The following KIFAP3 variants were observed in gnomAD, a reference collection of about 807,000 sequenced individuals.
KIFAP3 encodes the protein kinesin associated protein 3.
A neutral mutation model predicts 106.5 loss-of-function variants in KIFAP3; 68 were observed. The observed-to-expected ratio is 0.64, with a 90% CI of 0.53 to 0.78. KIFAP3 has a LOEUF of 0.78. Ranked by LOEUF, KIFAP3 falls within the 30% of genes least tolerant of loss-of-function variation. The probability of loss-of-function intolerance (pLI) is 0.00; values close to 1 mark genes in which losing one functional copy is unlikely to be tolerated. For synonymous variants in KIFAP3, 320 were observed against 311.5 expected (o/e 1.03, Z -0.29); for missense variants, 780 against 941.8 (o/e 0.83, Z 2.25).
intron 2 of KIFAP3, among the ~76,000 whole-genome samples, 167 bp downstream of exon 2, chr1:170,055,138 A>C (rs1459899030): frequency 6.6e-6 from 1 of 152,202 alleles, no homozygotes; most frequent in Non-Finnish European, 1.5e-5. Context: ...TCCTAGGATT[A>C]ATATACTCCA....
intron 10 of KIFAP3, among the ~76,000 whole-genome samples, chr1:170,012,686 A>ACGG (rs375771877): frequency 3.3e-5 from 5 of 152,066 alleles, no homozygotes; most frequent in African/African-American, 1.2e-4. Flanking sequence ...GCCATCATGT[A>ACGG]CGGGATTGGT....
rs145253298 is a variant in KIFAP3 at position 169,924,472 on chromosome 1, G to A, written c.2274-2691C>T. ...ATTATGTATCACAGATGAACTTGCT[G>A]TTTAAAGCAAAAAATATTTAAAACA... is the stretch of plus-strand genomic sequence containing the variant. On this transcript the variant is annotated intron_variant, in intron 19 of 19. Transcript: ENST00000361580. 7.2e-5 allele frequency among the ~76,000 whole-genome samples: 11 copies of A among 152,310 alleles called. No homozygotes were observed. In the East Asian group the frequency reaches 2.1e-3, roughly 29 times the overall value.
upstream of KIFAP3, among the ~76,000 whole-genome samples, chr1:170,075,120 A>AAAACAAAC (rs374280684): frequency 1.3e-5 from 2 of 152,124 alleles, no homozygotes; most frequent in Non-Finnish European, 1.5e-5. Context: ...TCCCCCAACC[A>AAAACAAAC]AAACAAACAA....
intron 10 of KIFAP3, among the ~76,000 whole-genome samples, chr1:170,002,609 T>A (rs771654845): frequency 6.6e-6 from 1 of 152,204 alleles, no homozygotes; most frequent in African/African-American, 2.4e-5. Flanking sequence ...AAAATTTAAA[T>A]GATGGCTCAA....
chr1:170,058,409 T>C (rs1484950073), intron 1 of KIFAP3, among the ~76,000 whole-genome samples: 1 of 152,170 alleles, frequency 6.6e-6, no homozygotes. Context: ...AGGACTGCTA[T>C]GCATCTATTT....
chr1:170,084,901 C>T (rs893647054), intron 1 of KIFAP3: 4 of 152,116 alleles, frequency 2.6e-5, no homozygotes, highest in African/African-American at 9.7e-5. Flanking sequence ...CAGCAATATT[C>T]GTTTCTCTAT....
At chr1:170,003,221 GACTT>G (rs1667754927) in intron 10 of KIFAP3, among the ~76,000 whole-genome samples, 2 of 151,974 alleles carry the variant, frequency 1.3e-5, no homozygotes, top group African/African-American at 2.4e-5. Flanking sequence ...TCAATTTTTG[GACTT>G]ACTCATTATA....
chr1:169,980,390 G>C (rs943148395), intron 15 of KIFAP3, among the ~76,000 whole-genome samples: 2 of 152,106 alleles, frequency 1.3e-5, no homozygotes, highest in Non-Finnish European at 2.9e-5. Flanking sequence ...GTTATGATGT[G>C]TAAGATCCTA....
intron 15 of KIFAP3, among the ~76,000 whole-genome samples, chr1:169,981,200 C>G (rs555323746): frequency 2.6e-5 from 4 of 152,274 alleles, no homozygotes; most frequent in African/African-American, 9.6e-5. Flanking sequence ...TTTTAGTTAA[C>G]TGCAGTCAAC....
chr1:170,030,334 A>G (rs1302456347), intron 8 of KIFAP3, among the ~76,000 whole-genome samples: 2 of 151,900 alleles, frequency 1.3e-5, no homozygotes, highest in African/African-American at 4.8e-5. Context: ...CTCAACATTA[A>G]TCAGTCACTA....
Position 169,983,277 on chromosome 1 carries a change from A to T in KIFAP3, c.1499T>A (p.Leu500Gln), listed in dbSNP as rs1666623014. ...AGCCAAAATGATACTTACAATAAAC[A>T]GATTTTTAGTTGGTCCATCATGCTG... ...ISQHDGPTKN[L>Q]FIDYVGDLAA... is the part of the protein sequence containing the mutation. The change falls in exon 13 of 20, where the codon CTG becomes CAG. Residue 500 changes from leucine to glutamine, a missense_variant. Around this residue, in one of 3 missense-constraint regions of KIFAP3, gnomAD observed 588 missense variants for 678.9 expected, o/e 0.87. Coordinates refer to ENST00000361580, the MANE Select transcript of KIFAP3 (RefSeq NM_014970.4). 6.3e-7 allele frequency: 1 copy of T among 1,586,690 alleles called. No individual in the cohort carries two copies. The highest frequency in any genetic ancestry group is 8.6e-7 in the Non-Finnish European group (1 of 1,162,372).
intron 19 of KIFAP3, among the ~76,000 whole-genome samples, chr1:169,928,113 T>TC (rs397789861): frequency 6.6e-6 from 1 of 151,572 alleles, no homozygotes; most frequent in Non-Finnish European, 1.5e-5. Context: ...CTTTTTTTTT[T>TC]CTTTGAGATG....
rs1669508340 is a variant in KIFAP3, at chr1:170,033,290, A to G, written c.742+1082T>C. Among the ~76,000 whole-genome samples, 4 of 151,930 alleles carry G rather than the reference A, an allele frequency of 2.6e-5. No homozygotes were observed. The South Asian group carries it at 8.3e-4, about 31-fold the overall frequency. ...AAAAGCCTGAGAGATTTTGTACACA[A>G]TAACCTGAATTAACCTGTTACAACA... On this transcript the variant is annotated intron_variant, in intron 7 of 19. Coordinates refer to ENST00000361580, the MANE Select transcript of KIFAP3 (RefSeq NM_014970.4).
intron 17 of KIFAP3, among the ~76,000 whole-genome samples, chr1:169,967,543 G>A (rs1665691213): frequency 6.6e-6 from 1 of 151,782 alleles, no homozygotes; most frequent in Non-Finnish European, 1.5e-5. Flanking sequence ...GGAGACCTGG[G>A]CTCTGGTTCT....
chr1:170,022,338 C>G (rs1294859686), intron 9 of KIFAP3, among the ~76,000 whole-genome samples: 2 of 151,986 alleles, frequency 1.3e-5, no homozygotes, highest in Non-Finnish European at 2.9e-5. Context: ...AATCTATCAG[C>G]AAGTTTGTTT....
chr1:169,937,292 A>G lies in KIFAP3; in HGVS notation c.2274-15511T>C, dbSNP rs1342402422. Among the ~76,000 whole-genome samples, 3 of 151,924 alleles carry G rather than the reference A, an allele frequency of 2.0e-5. No homozygotes were observed. In the East Asian group the frequency reaches 5.8e-4, roughly 29 times the overall value. Reference sequence around the variant, plus strand: ...AATAAAGGAAATTTTAAGTGTTAAAAGCAAACATTAAATGATTCTATATTT... The same window carrying G: ...AATAAAGGAAATTTTAAGTGTTAAAGGCAAACATTAAATGATTCTATATTT... On this transcript the variant is annotated intron_variant, in intron 19 of 19. Coordinates refer to ENST00000361580, the MANE Select transcript of KIFAP3 (RefSeq NM_014970.4).
intron 2 of KIFAP3, among the ~76,000 whole-genome samples, chr1:170,050,539 C>A (rs933930135): frequency 6.6e-6 from 1 of 152,090 alleles, no homozygotes; most frequent in African/African-American, 2.4e-5. Context: ...GACACATAAT[C>A]ATCAGATTCT....
At chr1:169,948,075 T>A (rs574531729) in intron 19 of KIFAP3, among the ~76,000 whole-genome samples, 81 of 151,700 alleles carry the variant, frequency 5.3e-4, no homozygotes, top group Non-Finnish European at 1.1e-3. Context: ...GTCTTTATGT[T>A]TATCTCTGAT....
upstream of KIFAP3, among the ~76,000 whole-genome samples, chr1:170,076,029 A>T (rs562477437): frequency 1.6e-4 from 25 of 152,334 alleles, no homozygotes; most frequent in African/African-American, 3.4e-4. Context: ...TCTTCACAAT[A>T]CGTAAAATTG....
Sources: gnomAD v4.1 joint callset for allele counts (sites outside exome capture counted in the v4.1 genomes callset) on GRCh38, gnomAD v4.1.1 for gene constraint, gnomAD v4.1.1 regional missense constraint, MANE v1.5 for transcripts, NCBI Gene and HGNC (gene_info 2026-07-23, HGNC 2026-07-21) for gene names.